Variants in KIAA1217 observed in about 807,000 individuals in gnomAD.
KIAA1217 encodes KIAA1217.
KIAA1217 carries 88 observed loss-of-function variants against 163.9 expected under a neutral mutation model. The observed-to-expected ratio is 0.54, with a 90% CI of 0.45 to 0.64. The LOEUF (loss-of-function observed/expected upper bound fraction) is 0.64, where lower values mean the gene tolerates loss of function less well. Ranked by LOEUF, KIAA1217 falls within the 30% of genes least tolerant of loss-of-function variation. The probability of loss-of-function intolerance (pLI) is 0.00; values close to 1 mark genes in which losing one functional copy is unlikely to be tolerated. For missense variants in KIAA1217, 2,372 were observed against 2,475.0 expected, an observed-to-expected ratio of 0.96 and a Z score of 0.88; for synonymous variants, 903 against 923.1, an observed-to-expected ratio of 0.98 and a Z score of 0.39.
chr10:23,857,716 T>G lies in KIAA1217; in HGVS notation c.-320-149509T>G, dbSNP rs999822108. ...GAATTTCTGTGAGTGGAGTGACATC[T>G]CTCAACCTTTAGAGGAGTGGGGAAT... On this transcript the variant is annotated intron_variant, in intron 1 of 18. Transcript: ENST00000376462. Among the ~76,000 whole-genome samples the G allele has an allele frequency of 3.3e-5, 5 of 152,254 alleles. No homozygotes were observed. In the East Asian group the frequency reaches 7.7e-4, roughly 24 times the overall value.
rs77910568 is a variant in KIAA1217 at position 23,817,531 on chromosome 10, G to A, written c.-321+122297G>A. Among the ~76,000 whole-genome samples, 1,075 of 152,080 alleles carry A rather than the reference G, an allele frequency of 7.1e-3. 19 individuals carry two copies. Among genetic ancestry groups the A allele is most frequent in the African/African-American group, 0.025 (1,031 of 41,494 alleles). On this transcript the variant is annotated intron_variant, in intron 1 of 18. Transcript: ENST00000376462. ...GATCCAGAGAGGCTAGGTAACTTGA[G>A]GAATAAACTCCAGGATAAAAGAAGT...
chr10:24,281,150 C>T (rs569951047), intron 2 of KIAA1217, among the ~76,000 whole-genome samples: 2 of 152,264 alleles, frequency 1.3e-5, no homozygotes, highest in East Asian at 3.8e-4. Context: ...CACAGAGCTC[C>T]CACATACAAT....
chr10:24,299,970 T>G (rs1182557944), intron 2 of KIAA1217, among the ~76,000 whole-genome samples: 1 of 152,188 alleles, frequency 6.6e-6, no homozygotes, highest in African/African-American at 2.4e-5. Context: ...GATTCTTTAC[T>G]GCTTGTTCGA....
At chr10:24,065,115 T>G (rs2060886666) in intron 2 of KIAA1217, among the ~76,000 whole-genome samples, 1 of 152,220 alleles carries the variant, frequency 6.6e-6, no homozygotes, top group African/African-American at 2.4e-5. Flanking sequence ...TTGATTTTTT[T>G]GAAGGGTTTT....
chr10:24,451,576 C>T (rs2061375502), intron 5 of KIAA1217, among the ~76,000 whole-genome samples: 1 of 152,230 alleles, frequency 6.6e-6, no homozygotes, highest in Non-Finnish European at 1.5e-5. Context: ...CTTCCAGCCC[C>T]AGTTCAGCAT....
At chr10:24,059,799 T>G (rs1286628660) in intron 2 of KIAA1217, among the ~76,000 whole-genome samples, 1 of 152,130 alleles carries the variant, frequency 6.6e-6, no homozygotes, top group Non-Finnish European at 1.5e-5. Context: ...TCTCCTGACC[T>G]CACGATCCGC....
At chr10:23,800,612 G>T (rs1011734828) in intron 1 of KIAA1217, among the ~76,000 whole-genome samples, 3 of 152,090 alleles carry the variant, frequency 2.0e-5, no homozygotes, top group Non-Finnish European at 4.4e-5. Flanking sequence ...AGCCCCTTTC[G>T]CTGTAGCAGA....
At chr10:24,360,247 C>T (rs1291086243) in intron 2 of KIAA1217, among the ~76,000 whole-genome samples, 3 of 151,924 alleles carry the variant, frequency 2.0e-5, no homozygotes, top group African/African-American at 4.8e-5. Flanking sequence ...GGGGTTTCAC[C>T]ATGTTGGCCA....
intron 2 of KIAA1217, among the ~76,000 whole-genome samples, chr10:24,098,760 T>TGTGTGTGA (rs1554865618): frequency 6.8e-6 from 1 of 146,838 alleles, no homozygotes; most frequent in Non-Finnish European, 1.5e-5. Flanking sequence ...TGTGTGTGTG[T>TGTGTGTGA]TAGAGAGAGA....
chr10:24,045,831 T>C (rs923315652), intron 2 of KIAA1217, among the ~76,000 whole-genome samples: 4 of 152,288 alleles, frequency 2.6e-5, no homozygotes, highest in Non-Finnish European at 4.4e-5. Context: ...TCTGAACCAA[T>C]GGTCTCAATT....
At position 24,309,836 on chromosome 10, in the gene KIAA1217, T is replaced by A. The variant is rs189742618; in HGVS notation, c.355-71033T>A. On this transcript the variant is annotated intron_variant, in intron 2 of 20. Transcript: ENST00000376454. Reference sequence around the variant, plus strand: ...CTTCCCTGGTTAATTTCCACCCTGATGTGTAGAATTTCCCTGCAACACTCT... The same window carrying A: ...CTTCCCTGGTTAATTTCCACCCTGAAGTGTAGAATTTCCCTGCAACACTCT... 1.2e-4 allele frequency among the ~76,000 whole-genome samples: 18 copies of A among 152,334 alleles called. No homozygotes were observed. In the East Asian group the frequency reaches 3.5e-3, roughly 29 times the overall value.
intron 1 of KIAA1217, among the ~76,000 whole-genome samples, chr10:23,909,270 T>C (rs555861015): frequency 1.1e-4 from 16 of 152,178 alleles, no homozygotes; most frequent in Non-Finnish European, 2.1e-4. Context: ...GCTCAGGTAA[T>C]GGGTACACCA....
intron 1 of KIAA1217, among the ~76,000 whole-genome samples, chr10:23,852,590 G>A (rs937655133): frequency 8.5e-5 from 13 of 152,120 alleles, no homozygotes; most frequent in African/African-American, 2.9e-4. Context: ...CATTGAATCT[G>A]TAAATTACCT....
chr10:23,934,583 A>ATATATATATG (rs1226321775), intron 1 of KIAA1217, among the ~76,000 whole-genome samples: 7 of 64,048 alleles, frequency 1.1e-4, no homozygotes, highest in Non-Finnish European at 1.8e-4. Context: ...ATATATATAT[A>ATATATATATG]TATATATGTA....
At chr10:24,085,123 C>T (rs2061656575) in intron 2 of KIAA1217, among the ~76,000 whole-genome samples, 1 of 151,984 alleles carries the variant, frequency 6.6e-6, no homozygotes, top group African/African-American at 2.4e-5. Context: ...ACCGTGTTAG[C>T]CAGGATGGTC....
chr10:24,060,341 A>AAC (rs1214489191), intron 2 of KIAA1217, among the ~76,000 whole-genome samples: 33 of 152,186 alleles, frequency 2.2e-4, no homozygotes, highest in South Asian at 6.2e-4. Flanking sequence ...TGTTGGTTGC[A>AAC]AGATATTTTC....
At chr10:24,262,905 G>A (rs115954970) in intron 2 of KIAA1217, among the ~76,000 whole-genome samples, 2,374 of 146,358 alleles carry the variant, frequency 0.016, 59 homozygotes, top group African/African-American at 0.056. Flanking sequence ...AGCCAGTATC[G>A]CACCACTGCA....
intron 1 of KIAA1217, among the ~76,000 whole-genome samples, chr10:23,729,615 G>A (rs751831047): frequency 2.0e-4 from 31 of 151,898 alleles, no homozygotes; most frequent in Non-Finnish European, 4.0e-4. Flanking sequence ...AAGGTCTTTG[G>A]TCCATTTTTT....
chr10:24,026,742 A>ATTTTTTTTTTTTTTTTTTTTTTTTTTT, intron 2 of KIAA1217, among the ~76,000 whole-genome samples: 4 of 70,090 alleles, frequency 5.7e-5, no homozygotes, highest in Admixed American at 1.5e-4. Flanking sequence ...TATTTCATTG[A>ATTTTTTTTTTTTTTTTTTTTTTTTTTT]TTTTTTTTTT....
Sources: gnomAD v4.1 joint callset for allele counts (sites outside exome capture counted in the v4.1 genomes callset) on GRCh38, gnomAD v4.1.1 for gene constraint, MANE v1.5 for transcripts, NCBI Gene and HGNC (gene_info 2026-07-23, HGNC 2026-07-21) for gene names.